The following NKAIN3 variants were observed in gnomAD, a reference collection of about 807,000 sequenced individuals.
NKAIN3 encodes sodium/potassium transporting ATPase interacting 3, also known as sodium/potassium-transporting ATPase subunit beta-1-interacting protein 3.
A neutral mutation model predicts 30.2 loss-of-function variants in NKAIN3; 25 were observed. The observed-to-expected ratio is 0.83, with a 90% CI of 0.60 to 1.16. The LOEUF (loss-of-function observed/expected upper bound fraction) is 1.16. NKAIN3 is among the 50% of genes most tolerant of loss of function. The pLI, the probability that NKAIN3 is intolerant of heterozygous loss-of-function variation, is 0.00. For synonymous variants in NKAIN3, 91 were observed against 89.6 expected, an observed-to-expected ratio of 1.02 and a Z score of -0.09; for missense variants, 225 against 254.1, an observed-to-expected ratio of 0.89 and a Z score of 0.78.
intron 1 of NKAIN3, among the ~76,000 whole-genome samples, chr8:62,494,991 T>C (rs1807190496): frequency 6.6e-6 from 1 of 152,150 alleles, no homozygotes; most frequent in African/African-American, 2.4e-5. Flanking sequence ...TGAATTTTTT[T>C]ATGGTAGCAA....
rs142615785 is a variant in NKAIN3, at chr8:62,700,373, C to T, written c.274-46559C>T. On this transcript the variant is annotated intron_variant, in intron 3 of 6. Coordinates refer to ENST00000623646, the MANE Select transcript of NKAIN3 (RefSeq NM_001304533.3). ...TCTTGTGCTTAAACACTGGTGCTTT[C>T]GGTCAGGTTGTTACAACTCCCTGAA... Among the ~76,000 whole-genome samples the T allele has an allele frequency of 2.1e-3, 317 of 152,268 alleles. No homozygotes were observed. In the Middle Eastern group the frequency reaches 0.024, roughly 11 times the overall value.
rs377527653 is a variant in NKAIN3 at position 62,382,490 on chromosome 8, C to G, written c.54+133363C>G. Among the ~76,000 whole-genome samples, 8 of 152,206 alleles carry G rather than the reference C, an allele frequency of 5.3e-5. No individual in the cohort carries two copies. In the East Asian group the frequency reaches 1.4e-3, roughly 26 times the overall value. On this transcript the variant is annotated intron_variant, in intron 1 of 6. Transcript: ENST00000623646. Reference sequence around the variant, plus strand: ...TACAGAAATACATGATAATTTCTGTCTAACTTTTTGCTTTTCCATTTCTCT... The same window carrying G: ...TACAGAAATACATGATAATTTCTGTGTAACTTTTTGCTTTTCCATTTCTCT...
intron 3 of NKAIN3, among the ~76,000 whole-genome samples, chr8:62,633,256 A>G (rs1262915440): frequency 1.3e-5 from 2 of 152,170 alleles, no homozygotes; most frequent in Non-Finnish European, 2.9e-5. Context: ...GGGAAAATAA[A>G]ACTAGTTTTG....
intron 1 of NKAIN3, among the ~76,000 whole-genome samples, chr8:62,382,128 A>G (rs376962425): frequency 6.6e-6 from 1 of 152,178 alleles, no homozygotes; most frequent in South Asian, 2.1e-4. Flanking sequence ...AACTACTTAT[A>G]TCCTACTGTT....
intron 1 of NKAIN3, among the ~76,000 whole-genome samples, chr8:62,488,780 A>G (rs1383638037): frequency 1.3e-5 from 2 of 152,176 alleles, no homozygotes; most frequent in Non-Finnish European, 2.9e-5. Flanking sequence ...AATTTTTGCA[A>G]AGCTTGAGAT....
At chr8:62,303,482 T>A (rs1166825559) in intron 1 of NKAIN3, among the ~76,000 whole-genome samples, 1 of 150,724 alleles carries the variant, frequency 6.6e-6, no homozygotes. Flanking sequence ...CAGAATAGAT[T>A]GTCTTAAAAT....
At chr8:62,678,763 G>A (rs996397159) in intron 3 of NKAIN3, among the ~76,000 whole-genome samples, 2 of 151,362 alleles carry the variant, frequency 1.3e-5, no homozygotes, top group Non-Finnish European at 2.9e-5. Flanking sequence ...CTAGAAAATA[G>A]TTAATCCATG....
At chr8:62,411,396 G>T (rs1804232863) in intron 1 of NKAIN3, among the ~76,000 whole-genome samples, 1 of 152,076 alleles carries the variant, frequency 6.6e-6, no homozygotes, top group South Asian at 2.1e-4. Context: ...TAAGGAACAT[G>T]CCTCAAAATG....
At chr8:62,274,864 C>T (rs1171272380) in intron 1 of NKAIN3, among the ~76,000 whole-genome samples, 6 of 150,982 alleles carry the variant, frequency 4.0e-5, no homozygotes, top group Middle Eastern at 3.4e-3. Flanking sequence ...TTTGTCCTTG[C>T]GATAGTTTGC....
chr8:62,856,149 T>C, intron 4 of NKAIN3: 1 of 732,648 alleles, frequency 1.4e-6, no homozygotes, highest in East Asian at 2.5e-5. Flanking sequence ...CTCCCATAGA[T>C]CTCAGACCTC....
chr8:62,393,692 T>C (rs142238577), intron 1 of NKAIN3, among the ~76,000 whole-genome samples: 154 of 152,144 alleles, frequency 1.0e-3, no homozygotes, highest in Middle Eastern at 3.5e-3. Flanking sequence ...TCTGGAAGAA[T>C]TGACCTCTTA....
At chr8:62,630,164 A>G (rs1378255086) in intron 3 of NKAIN3, among the ~76,000 whole-genome samples, 1 of 152,110 alleles carries the variant, frequency 6.6e-6, no homozygotes, top group Admixed American at 6.6e-5. Context: ...GTGTAGGAAA[A>G]ACAGAGTACA....
At chr8:62,394,105 G>A (rs994505308) in intron 1 of NKAIN3, among the ~76,000 whole-genome samples, 11 of 152,078 alleles carry the variant, frequency 7.2e-5, no homozygotes, top group Non-Finnish European at 1.0e-4. Flanking sequence ...TACTTGCAGC[G>A]GTGAGAGTGG....
intron 3 of NKAIN3, among the ~76,000 whole-genome samples, chr8:62,727,867 C>G (rs965454503): frequency 1.3e-5 from 2 of 152,024 alleles, no homozygotes; most frequent in Admixed American, 1.3e-4. Flanking sequence ...CTTAAAAAAT[C>G]TGTTTTATTG....
chr8:62,871,872 G>T (rs959781274), intron 4 of NKAIN3, among the ~76,000 whole-genome samples: 1 of 152,198 alleles, frequency 6.6e-6, no homozygotes, highest in Non-Finnish European at 1.5e-5. Flanking sequence ...AATTAATTTA[G>T]AAAGGAAATT....
intron 4 of NKAIN3, among the ~76,000 whole-genome samples, chr8:62,752,348 G>A (rs1278251143): frequency 6.6e-6 from 1 of 152,100 alleles, no homozygotes; most frequent in Non-Finnish European, 1.5e-5. Context: ...AAGGCCAAAG[G>A]GCTCCATTCT....
chr8:62,424,774 T>C (rs182763671), intron 1 of NKAIN3, among the ~76,000 whole-genome samples: 18 of 151,990 alleles, frequency 1.2e-4, no homozygotes, highest in Middle Eastern at 3.4e-3. Context: ...TATGGTATGA[T>C]CCAGCAATAC....
intron 3 of NKAIN3, among the ~76,000 whole-genome samples, chr8:62,609,836 C>T (rs542893331): frequency 1.3e-4 from 20 of 151,990 alleles, no homozygotes; most frequent in South Asian, 4.2e-4. Flanking sequence ...GTTGCTAGCA[C>T]GCCATGAGCC....
intron 1 of NKAIN3, among the ~76,000 whole-genome samples, chr8:62,459,468 T>C (rs952152301): frequency 6.6e-6 from 1 of 152,222 alleles, no homozygotes; most frequent in African/African-American, 2.4e-5. Flanking sequence ...TGCTACTTTC[T>C]AGGCTCTATT....
Sources: allele counts gnomAD v4.1 joint callset (sites outside exome capture counted in the v4.1 genomes callset), GRCh38; gene constraint gnomAD v4.1.1; transcripts MANE v1.5; gene names NCBI Gene and HGNC (gene_info 2026-07-23, HGNC 2026-07-21).